The following RPS6KA2 variants were observed in gnomAD, a reference collection of about 807,000 sequenced individuals.
RPS6KA2 encodes the protein ribosomal protein S6 kinase alpha-2.
A neutral mutation model predicts 91.8 loss-of-function variants in RPS6KA2; 42 were observed. That is an observed-to-expected ratio of 0.46 (90% confidence interval 0.36 to 0.59). RPS6KA2 has a LOEUF of 0.59. RPS6KA2 is among the 20% of genes least tolerant of loss of function. The pLI, the probability that RPS6KA2 is intolerant of heterozygous loss-of-function variation, is 0.00. For synonymous variants in RPS6KA2, 414 were observed against 393.6 expected, an observed-to-expected ratio of 1.05 and a Z score of -0.61; for missense variants, 798 against 978.5, an observed-to-expected ratio of 0.82 and a Z score of 2.46.
Position 166,419,434 on chromosome 6 carries a change from G to A in RPS6KA2, c.1820+448C>T, listed in dbSNP as rs773993757. 6.6e-5 allele frequency among the ~76,000 whole-genome samples: 10 copies of A among 152,188 alleles called. No individual in the cohort carries two copies. The highest frequency in any genetic ancestry group is 1.3e-4 in the Non-Finnish European group (9 of 68,048). ...GGATGGCAGGCCCAGGCCACTTTCT[G>A]TAACACCACGTGTCTTACCACAATG... On this transcript the variant is annotated intron_variant, in intron 18 of 20. Coordinates refer to ENST00000265678, the MANE Select transcript of RPS6KA2 (RefSeq NM_021135.6). This position sits in a 1 kb window ranked among gnomAD's most constrained non-coding sequence, Gnocchi z 5.6.
chr6:166,537,645 T>C (rs992419752), intron 2 of RPS6KA2, among the ~76,000 whole-genome samples: 2 of 152,266 alleles, frequency 1.3e-5, no homozygotes, highest in Non-Finnish European at 1.5e-5. Context: ...AGAACACTAA[T>C]GTACTATTCA....
chr6:166,493,781 C>G lies in RPS6KA2; in HGVS notation c.748-3040G>C, dbSNP rs189952800. ...TGCCCGGGAGCCCTGGTGCTACAGG[C>G]GTCCACTGAGGGAGGCACAGATGCT... is the stretch of plus-strand genomic sequence containing the variant. On this transcript the variant is annotated intron_variant, in intron 8 of 20. Coordinates refer to ENST00000265678, the MANE Select transcript of RPS6KA2 (RefSeq NM_021135.6). The surrounding 1 kb of genome is among the most constrained non-coding windows in gnomAD (Gnocchi z 4.7). Among the ~76,000 whole-genome samples the G allele has an allele frequency of 6.6e-6, 1 of 152,186 alleles. No individual in the cohort carries two copies. The highest frequency in any genetic ancestry group is 1.9e-4 in the East Asian group (1 of 5,188).
rs58712416 is a variant in RPS6KA2, at chr6:166,510,554, C to CATATATAT, written c.299-205_299-198dup. Among the ~76,000 whole-genome samples the CATATATAT allele has an allele frequency of 1.3e-3, 106 of 78,716 alleles. 1 individual carries two copies. The highest frequency in any genetic ancestry group is 6.0e-3 in the Middle Eastern group (1 of 166). 51.6% of individuals were successfully genotyped at this position (78,716 alleles called of 152,430 possible). Reference sequence around the variant, plus strand: ...TTTAATACATTTGCTTTCTCTCTCTCATATATATATATATATATATATATA... The same window carrying CATATATAT: ...TTTAATACATTTGCTTTCTCTCTCTCATATATATATATATATATATATATATATATATA... On this transcript the variant is annotated intron_variant, in intron 3 of 20. Coordinates refer to ENST00000265678, the MANE Select transcript of RPS6KA2 (RefSeq NM_021135.6).
At chr6:166,597,251 G>A (rs1032241863) in intron 1 of RPS6KA2, among the ~76,000 whole-genome samples, 7 of 152,204 alleles carry the variant, frequency 4.6e-5, no homozygotes, top group Non-Finnish European at 8.8e-5. Context: ...AGCTGGTGGC[G>A]AGGCACCCCG....
At chr6:166,480,479 T>TTA (rs3066214) in intron 10 of RPS6KA2, among the ~76,000 whole-genome samples, 3,670 of 99,576 alleles carry the variant, frequency 0.037, 68 homozygotes, top group Non-Finnish European at 0.048. Context: ...GATTGTGATT[T>TTA]TATATATATA....
chr6:166,770,040 T>G lies in RPS6KA2; in HGVS notation c.123+88160A>C, dbSNP rs1778423476. Among the ~76,000 whole-genome samples, 1 of 152,290 alleles carries G rather than the reference T, an allele frequency of 6.6e-6. No homozygotes were observed. The highest frequency in any genetic ancestry group is 2.1e-4 in the South Asian group (1 of 4,828). On this transcript the variant is annotated intron_variant, in intron 2 of 21. Transcript: ENST00000503859. The surrounding 1 kb of genome is among the most constrained non-coding windows in gnomAD (Gnocchi z 5.1). ...TTTAACGTATCAATGTAGATGAACA[T>G]AAGCTCAACCAGAAACCAACTTCCA...
At position 166,646,883 on chromosome 6, in the gene RPS6KA2, G is replaced by A. The variant is rs141566039; in HGVS notation, c.124-108099C>T. ...TCCTGCTTCTCAGGCCGTGGTGGGT[G>A]TGGGCCTCTGTGCGAGCCGCTCCCC... On this transcript the variant is annotated intron_variant, in intron 2 of 21. Transcript: ENST00000503859. Among the ~76,000 whole-genome samples, 670 of 152,256 alleles carry A rather than the reference G, an allele frequency of 4.4e-3. 11 individuals carry two copies. Among genetic ancestry groups the A allele is most frequent in the African/African-American group, 0.013 (553 of 41,564 alleles).
chr6:166,618,636 G>A (rs528870903), intron 1 of RPS6KA2, among the ~76,000 whole-genome samples: 5 of 152,298 alleles, frequency 3.3e-5, no homozygotes, highest in Non-Finnish European at 5.9e-5. Context: ...ATGAAAACAC[G>A]GGCACTACTC....
At chr6:166,710,677 C>A (rs1298667259) in intron 2 of RPS6KA2, among the ~76,000 whole-genome samples, 1 of 152,128 alleles carries the variant, frequency 6.6e-6, no homozygotes, top group East Asian at 1.9e-4. Flanking sequence ...CCCTATTCTT[C>A]CCACTAAGTA....
chr6:166,836,185 T>C (rs6930448), intron 2 of RPS6KA2, among the ~76,000 whole-genome samples: 103,286 of 151,596 alleles, frequency 0.68, 35,279 homozygotes, highest in Middle Eastern at 0.75. Context: ...AGAGACATGG[T>C]CCTATAGTTT....
intron 2 of RPS6KA2, among the ~76,000 whole-genome samples, chr6:166,792,026 G>C (rs182517183): frequency 6.6e-5 from 10 of 151,964 alleles, no homozygotes; most frequent in Non-Finnish European, 1.5e-4. Flanking sequence ...GAACAGAACT[G>C]AAGGAGATCG....
chr6:166,788,102 G>T (rs1290847439), intron 2 of RPS6KA2, among the ~76,000 whole-genome samples: 2 of 151,942 alleles, frequency 1.3e-5, no homozygotes, highest in Non-Finnish European at 2.9e-5. Context: ...TGATCATTAG[G>T]TATTATGATT....
chr6:166,559,791 G>C (rs550473239), intron 1 of RPS6KA2, among the ~76,000 whole-genome samples: 4 of 152,286 alleles, frequency 2.6e-5, no homozygotes, highest in Admixed American at 6.5e-5. Flanking sequence ...GTACAGAAAA[G>C]TCTAGGCAAC....
chr6:166,548,019 G>A (rs1384734080), intron 1 of RPS6KA2, among the ~76,000 whole-genome samples: 1 of 152,180 alleles, frequency 6.6e-6, no homozygotes, highest in African/African-American at 2.4e-5. Flanking sequence ...CAATTGAAAC[G>A]TCCAGCAAGT....
intron 12 of RPS6KA2, among the ~76,000 whole-genome samples, chr6:166,455,314 A>G (rs915947598): frequency 4.6e-5 from 7 of 152,108 alleles, no homozygotes; most frequent in African/African-American, 7.2e-5. Context: ...GCCGGGCCCC[A>G]CGCCGCGTGG....
At chr6:166,516,019 A>G (rs762002638) in intron 3 of RPS6KA2, among the ~76,000 whole-genome samples, 14 of 152,168 alleles carry the variant, frequency 9.2e-5, no homozygotes, top group Non-Finnish European at 1.5e-4. Flanking sequence ...TTCATCATAC[A>G]TATGTTGATT....
In RPS6KA2 at chr6:166,626,516, G is replaced by T. The variant is rs904682179; in HGVS notation, c.99+405C>A. On this transcript the variant is annotated intron_variant, in intron 1 of 20. Transcript: ENST00000265678. This position sits in a 1 kb window ranked among gnomAD's most constrained non-coding sequence, Gnocchi z 4.1. ...ACAGCACCTGATCAGCGCCTCGGAG[G>T]GCGGAGCTGGGGGGCTTCTCCACTC... Among the ~76,000 whole-genome samples, 5 of 152,210 alleles carry T rather than the reference G, an allele frequency of 3.3e-5. No homozygotes were observed. Among genetic ancestry groups the T allele is most frequent in the African/African-American group, 1.2e-4 (5 of 41,464 alleles).
intron 2 of RPS6KA2, among the ~76,000 whole-genome samples, chr6:166,700,355 A>G (rs6934715): frequency 0.88 from 133,401 of 152,170 alleles, 58,724 homozygotes; most frequent in East Asian, 1. Context: ...AAAAACCCTG[A>G]AATTAATTTT....
intron 1 of RPS6KA2, among the ~76,000 whole-genome samples, chr6:166,551,236 G>T (rs1784015180): frequency 6.6e-6 from 1 of 152,186 alleles, no homozygotes; most frequent in Non-Finnish European, 1.5e-5. Context: ...TTGAAGGAAG[G>T]TTCAATGTGA....
Sources: gnomAD v4.1 joint callset for allele counts (sites outside exome capture counted in the v4.1 genomes callset) on GRCh38, gnomAD v4.1.1 for gene constraint, Gnocchi (gnomAD v3.1) non-coding constraint, MANE v1.5 for transcripts, NCBI Gene and HGNC (gene_info 2026-07-23, HGNC 2026-07-21) for gene names.